Variants in ANKRD36 observed in about 807,000 individuals in gnomAD.
The protein encoded by ANKRD36 is ankyrin repeat domain-containing protein 36A.
Under a neutral mutation model 278.1 loss-of-function variants are expected in ANKRD36, and 179 were observed. That is an observed-to-expected ratio of 0.64 (90% CI 0.57 to 0.73). ANKRD36 has a LOEUF of 0.73. ANKRD36 is among the 30% of genes least tolerant of loss of function. The probability of loss-of-function intolerance (pLI) is 0.00; values close to 1 mark genes in which losing one functional copy is unlikely to be tolerated. For missense variants in ANKRD36, 1,159 were observed against 1,956.7 expected (o/e 0.59, Z 7.69); for synonymous variants, 320 against 641.1 (o/e 0.50, Z 7.57).
intron 6 of ANKRD36, among the ~76,000 whole-genome samples, chr2:97,141,024 G>A (rs939459758): frequency 1.3e-5 from 2 of 151,578 alleles, no homozygotes; most frequent in African/African-American, 4.8e-5. Flanking sequence ...GTTCACATCA[G>A]TTAGCATATT....
Position 97,167,580 on chromosome 2 carries a change from C to T in ANKRD36, c.1535C>T (p.Ser512Phe), listed in dbSNP as rs1485879193. 6.5e-7 allele frequency: 1 copy of T among 1,536,608 alleles called. No individual in the cohort carries two copies. Among genetic ancestry groups the T allele is most frequent in the East Asian group, 2.4e-5 (1 of 40,910 alleles). The change falls in exon 21 of 76, where the codon TCT becomes TTT. Residue 512 changes from serine to phenylalanine, a missense_variant. By Grantham distance (155) the Ser-to-Phe change is radical. Transcript: ENST00000420699. ...GMDSLTSSEE[S>F]SERPPLSTLT... ...ATGTGTCCCTTTTGCTTTGTAGAAT[C>T]TTCTGAGCGACCTCCTTTATCCACG...
chr2:97,184,679 G>A (rs2057009542), intron 28 of ANKRD36, among the ~76,000 whole-genome samples: 1 of 151,672 alleles, frequency 6.6e-6, no homozygotes, highest in African/African-American at 2.4e-5. Context: ...AGTGGATGAA[G>A]AAAATTACTG....
intron 5 of ANKRD36, among the ~76,000 whole-genome samples, chr2:97,124,913 G>A (rs1211756528): frequency 6.6e-6 from 1 of 151,846 alleles, no homozygotes; most frequent in Non-Finnish European, 1.5e-5. Flanking sequence ...ATAGGGTAAA[G>A]TAGTTTCACA....
In ANKRD36 at chr2:97,200,240, A is replaced by G. The variant is rs2060967494; in HGVS notation, c.2756-94A>G. On this transcript the variant is annotated intron_variant, in intron 44 of 75. Coordinates refer to ENST00000420699, the MANE Select transcript of ANKRD36 (RefSeq NM_001354587.1). ...CATCAAAGCCTCCACTAATACAAGC[A>G]GGAGGACAGAGGTTGATGCTAACAC... The G allele has an allele frequency of 1.1e-5, 18 of 1,594,960 alleles. No individual in the cohort carries two copies. In the South Asian group the frequency reaches 1.8e-4, roughly 16 times the overall value.
At chr2:97,212,234 A>G (rs1183473479) in intron 58 of ANKRD36, among the ~76,000 whole-genome samples, 8 of 151,892 alleles carry the variant, frequency 5.3e-5, no homozygotes, top group African/African-American at 1.9e-4. Flanking sequence ...AAAAGTAGTT[A>G]TTTATGTAAT....
chr2:97,148,923 A>T (rs2045118286), intron 11 of ANKRD36, among the ~76,000 whole-genome samples: 1 of 152,292 alleles, frequency 6.6e-6, no homozygotes. Flanking sequence ...GTTCAGTAAC[A>T]AAAGTTGTGT....
chr2:97,179,960 C>A (rs1468829882), intron 24 of ANKRD36, 27 bp downstream of exon 24: 2 of 1,602,642 alleles, frequency 1.2e-6, no homozygotes, highest in Non-Finnish European at 8.5e-7. Context: ...CATCTAATGT[C>A]ATGTTCAATC....
chr2:97,187,494 G>GGAC, intron 32 of ANKRD36, 93 bp downstream of exon 32: 1 of 95,518 alleles, frequency 1.0e-5, no homozygotes. Context: ...GGGTGGGGGG[G>GGAC]CTCGCCGAAG....
At chr2:97,147,058 GTTT>G (rs2044455477) in intron 11 of ANKRD36, among the ~76,000 whole-genome samples, 2 of 151,914 alleles carry the variant, frequency 1.3e-5, no homozygotes, top group South Asian at 4.2e-4. Context: ...AAGACCGTAA[GTTT>G]TTTGTAAGCA....
Position 97,209,782 on chromosome 2 carries a change from A to T in ANKRD36, c.3295-18A>T. 1 of 1,598,174 alleles carries T rather than the reference A, an allele frequency of 6.3e-7. No individual in the cohort carries two copies. The highest frequency in any genetic ancestry group is 8.5e-7 in the Non-Finnish European group (1 of 1,174,706). On this transcript the variant is annotated intron_variant, in intron 55 of 75. Coordinates refer to ENST00000420699, the MANE Select transcript of ANKRD36 (RefSeq NM_001354587.1). ...TGAAAGATACCTTACTTATTATTTC[A>T]TTTCAAATTCCATTCAGGCTACAAG...
intron 75 of ANKRD36, among the ~76,000 whole-genome samples, chr2:97,262,779 G>A (rs2969854): frequency 2.5e-5 from 3 of 121,368 alleles, no homozygotes; most frequent in Non-Finnish European, 4.7e-5. Context: ...CACCTCTCCC[G>A]TCTCTTCTAC....
At chr2:97,202,253 TG>T (rs1221432846) in intron 47 of ANKRD36, 23 bp downstream of exon 47, 1 of 1,607,966 alleles carries the variant, frequency 6.2e-7, no homozygotes, top group Non-Finnish European at 8.5e-7. Context: ...CCATTTATCT[TG>T]TGAACGAGTT....
At chr2:97,154,285 T>G (rs905589520) in intron 14 of ANKRD36, among the ~76,000 whole-genome samples, 5 of 148,698 alleles carry the variant, frequency 3.4e-5, no homozygotes, top group Admixed American at 2.0e-4. Context: ...TTATCAGGTT[T>G]ACTGCAGTTC....
At position 97,158,673 on chromosome 2, in the gene ANKRD36, TA is replaced by T; in HGVS notation, c.1389+22del. On this transcript the variant is annotated intron_variant, in intron 17 of 75. Transcript: ENST00000420699. The stretch of plus-strand genomic sequence containing the variant: ...TTGATAAGGTAAATGAAGATGTGGT[TA>T]AAAGCCAACATAGAATAATCAGAGT... The T allele has an allele frequency of 1.3e-6, 2 of 1,534,156 alleles. No homozygotes were observed. Among genetic ancestry groups the T allele is most frequent in the South Asian group, 2.4e-5 (2 of 83,758 alleles).
chr2:97,217,542 G>T (rs1461748053), intron 64 of ANKRD36, among the ~76,000 whole-genome samples, 170 bp downstream of exon 64: 2 of 152,042 alleles, frequency 1.3e-5, no homozygotes, highest in East Asian at 2.0e-4. Flanking sequence ...GCTGGTCCTT[G>T]GCCATGATCT....
At chr2:97,219,533 G>T (rs1265848619) in intron 66 of ANKRD36, among the ~76,000 whole-genome samples, 10 of 150,846 alleles carry the variant, frequency 6.6e-5, no homozygotes, top group Non-Finnish European at 1.0e-4. Context: ...CCAGGGTGGA[G>T]TGCAATGGCT....
In ANKRD36 at chr2:97,144,514, T is replaced by C. The variant is rs1280369707; in HGVS notation, c.902-4T>C. The C allele has an allele frequency of 2.5e-6, 4 of 1,602,564 alleles. No individual in the cohort carries two copies. The highest frequency in any genetic ancestry group is 3.4e-6 in the Non-Finnish European group (4 of 1,179,002). The stretch of plus-strand genomic sequence containing the variant: ...AGTGATTATGTATCCCTTTTGGTTT[T>C]CAGTGTCTTCTCAGAAACAACCGGC... On this transcript the variant is annotated splice_region_variant and splice_polypyrimidine_tract_variant and intron_variant, in intron 8 of 75. Coordinates refer to ENST00000420699, the MANE Select transcript of ANKRD36 (RefSeq NM_001354587.1).
chr2:97,177,715 A>G (rs2054733974), intron 22 of ANKRD36, among the ~76,000 whole-genome samples: 1 of 151,800 alleles, frequency 6.6e-6, no homozygotes, highest in South Asian at 2.1e-4. Context: ...ACCTAAAACC[A>G]TAAAAACCCT....
chr2:97,144,252 G>C (rs367624286), intron 8 of ANKRD36, among the ~76,000 whole-genome samples: 1 of 152,196 alleles, frequency 6.6e-6, no homozygotes, highest in African/African-American at 2.4e-5. Flanking sequence ...TATCCACATT[G>C]ATATAGACAC....
Sources: allele counts gnomAD v4.1 joint callset (sites outside exome capture counted in the v4.1 genomes callset), GRCh38; gene constraint gnomAD v4.1.1; transcripts MANE v1.5; gene names NCBI Gene and HGNC (gene_info 2026-07-23, HGNC 2026-07-21).